SUGCT: variants seen among roughly 807,000 people sequenced by gnomAD.
The protein encoded by SUGCT is succinyl-CoA:glutarate-CoA transferase.
A neutral mutation model predicts 55.0 loss-of-function variants in SUGCT; 41 were observed. The observed-to-expected ratio is 0.74, with a 90% CI of 0.58 to 0.97. The LOEUF (loss-of-function observed/expected upper bound fraction) is 0.97. Among genes scored for constraint, SUGCT ranks in the 50% least tolerant of loss-of-function variants. The pLI is 0.00. For synonymous variants in SUGCT, 187 were observed against 200.4 expected (o/e 0.93, Z 0.56); for missense variants, 568 against 547.8 (o/e 1.04, Z -0.37).
intron 13 of SUGCT, among the ~76,000 whole-genome samples, chr7:40,787,769 C>T (rs1367657853): frequency 6.6e-6 from 1 of 151,644 alleles, no homozygotes; most frequent in Non-Finnish European, 1.5e-5. Flanking sequence ...ACAGTAACCT[C>T]CCTACTTCAG....
chr7:40,851,363 TAAC>T (rs1477468787), intron 13 of SUGCT, among the ~76,000 whole-genome samples: 3 of 152,208 alleles, frequency 2.0e-5, no homozygotes, highest in Admixed American at 1.3e-4. Context: ...TCAAATTAGA[TAAC>T]AAACACATAG....
At chr7:40,825,036 A>G (rs1189035378) in intron 13 of SUGCT, among the ~76,000 whole-genome samples, 1 of 152,178 alleles carries the variant, frequency 6.6e-6, no homozygotes, top group African/African-American at 2.4e-5. Flanking sequence ...CTGTCTTGCA[A>G]TGCCACCATC....
chr7:40,927,238 AATAAAG>A, the SUGCT span, among the ~76,000 whole-genome samples: 8 of 152,218 alleles, frequency 5.3e-5, 1 homozygote, highest in South Asian at 8.3e-4. Context: ...ATCATGGGAA[AATAAAG>A]ATAAAATAAA....
chr7:40,276,134 A>G (rs1792460463), intron 8 of SUGCT, among the ~76,000 whole-genome samples: 1 of 152,192 alleles, frequency 6.6e-6, no homozygotes, highest in East Asian at 1.9e-4. Flanking sequence ...ATGAAATACT[A>G]TGTATGGGTT....
chr7:40,849,755 C>T (rs1049830585), intron 13 of SUGCT, among the ~76,000 whole-genome samples: 15 of 151,530 alleles, frequency 9.9e-5, no homozygotes, highest in Admixed American at 1.3e-4. Flanking sequence ...AAAACACAGA[C>T]GGAAAACACC....
At chr7:40,924,148 T>G in the SUGCT span, among the ~76,000 whole-genome samples, 1 of 152,152 alleles carries the variant, frequency 6.6e-6, no homozygotes, top group African/African-American at 2.4e-5. Flanking sequence ...CCTCCAGAAC[T>G]GTGAGCAATA....
chr7:40,478,153 C>T (rs1281648303), intron 11 of SUGCT, among the ~76,000 whole-genome samples: 2 of 152,134 alleles, frequency 1.3e-5, no homozygotes, highest in Non-Finnish European at 2.9e-5. Context: ...AGGCATACGC[C>T]ACCATGCCTG....
intron 11 of SUGCT, among the ~76,000 whole-genome samples, chr7:40,460,490 T>C (rs904844839): frequency 3.9e-5 from 6 of 152,228 alleles, no homozygotes; most frequent in Non-Finnish European, 8.8e-5. Context: ...TTCATATAAT[T>C]AATTGATAAA....
At chr7:40,734,650 T>A (rs1310573268) in intron 12 of SUGCT, among the ~76,000 whole-genome samples, 1 of 152,212 alleles carries the variant, frequency 6.6e-6, no homozygotes, top group Non-Finnish European at 1.5e-5. Flanking sequence ...ATGTGCATTT[T>A]TTTTTTGTTA....
At chr7:40,907,132 TGTGTGTGTGA>T in the SUGCT span, among the ~76,000 whole-genome samples, 359 of 49,728 alleles carry the variant, frequency 7.2e-3, no homozygotes, top group Middle Eastern at 0.023. Context: ...TGTGTGTGTG[TGTGTGTGTGA>T]GAGAGAGAGA....
At chr7:40,204,707 G>T (rs115735897) in intron 6 of SUGCT, among the ~76,000 whole-genome samples, 1 of 151,012 alleles carries the variant, frequency 6.6e-6, no homozygotes, top group Non-Finnish European at 1.5e-5. Context: ...AGAGGATTGC[G>T]TGAGGGTCAG....
chr7:40,157,639 C>G (rs1783962873), intron 1 of SUGCT, among the ~76,000 whole-genome samples: 1 of 152,146 alleles, frequency 6.6e-6, no homozygotes, highest in Non-Finnish European at 1.5e-5. Context: ...CAGGTTTAAG[C>G]TTTACCTTAG....
chr7:41,018,894 A>G, the SUGCT span, among the ~76,000 whole-genome samples: 32 of 151,742 alleles, frequency 2.1e-4, no homozygotes, highest in African/African-American at 7.7e-4. Context: ...CATTTATATG[A>G]TGACTAATAT....
intron 9 of SUGCT, among the ~76,000 whole-genome samples, chr7:40,360,909 T>C (rs904613893): frequency 2.0e-5 from 3 of 152,166 alleles, no homozygotes; most frequent in African/African-American, 7.2e-5. Flanking sequence ...GTTAAGGGGC[T>C]GTTACAGTAC....
At chr7:40,945,765 G>A in the SUGCT span, among the ~76,000 whole-genome samples, 787 of 152,262 alleles carry the variant, frequency 5.2e-3, 4 homozygotes, top group Non-Finnish European at 8.3e-3. Context: ...AGGAGTAGGA[G>A]TCCCTCCCTG....
At chr7:40,602,437 G>A (rs1239222095) in intron 12 of SUGCT, among the ~76,000 whole-genome samples, 4 of 152,202 alleles carry the variant, frequency 2.6e-5, no homozygotes, top group Admixed American at 6.5e-5. Flanking sequence ...AGAGCAGGGA[G>A]GAGGAGGTAA....
At chr7:40,159,665 G>A (rs1335157254) in intron 1 of SUGCT, among the ~76,000 whole-genome samples, 1 of 152,086 alleles carries the variant, frequency 6.6e-6, no homozygotes, top group Admixed American at 6.6e-5. Flanking sequence ...CACCGTGCCT[G>A]GCCGGATTCT....
At chr7:40,478,792 A>C (rs980941366) in intron 11 of SUGCT, among the ~76,000 whole-genome samples, 4 of 152,188 alleles carry the variant, frequency 2.6e-5, no homozygotes, top group Admixed American at 2.0e-4. Context: ...TCATAACAGA[A>C]ACTTTGTACC....
intron 12 of SUGCT, among the ~76,000 whole-genome samples, chr7:40,557,859 A>G (rs1277493290): frequency 6.6e-6 from 1 of 152,086 alleles, no homozygotes; most frequent in Non-Finnish European, 1.5e-5. Context: ...TAAATTACAC[A>G]TCTGATAAGG....
Sources: allele counts gnomAD v4.1 joint callset (sites outside exome capture counted in the v4.1 genomes callset), GRCh38; gene constraint gnomAD v4.1.1; transcripts MANE v1.5; gene names NCBI Gene and HGNC (gene_info 2026-07-23, HGNC 2026-07-21).